KLHL29: variants seen among roughly 807,000 people sequenced by gnomAD.
KLHL29 encodes kelch-like protein 29.
Under a neutral mutation model 80.4 loss-of-function variants are expected in KLHL29, and 21 were observed. That is an observed-to-expected ratio of 0.26 (90% CI 0.19 to 0.38). The LOEUF (loss-of-function observed/expected upper bound fraction) is 0.38. Ranked by LOEUF, KLHL29 falls within the 10% of genes least tolerant of loss-of-function variation. KLHL29 has a pLI of 1.00. For synonymous variants in KLHL29, 511 were observed against 526.8 expected, an observed-to-expected ratio of 0.97 and a Z score of 0.41; for missense variants, 867 against 1,223.9, an observed-to-expected ratio of 0.71 and a Z score of 4.35.
chr2:23,653,358 TTTCCTCCCACA>T, intron 5 of KLHL29, among the ~76,000 whole-genome samples: 1 of 152,352 alleles, frequency 6.6e-6, no homozygotes, highest in East Asian at 1.9e-4. Context: ...AGACCTCTTC[TTTCCTCCCACA>T]GACCAAGAAC....
chr2:23,674,808 A>C (rs748430045), intron 5 of KLHL29, among the ~76,000 whole-genome samples: 39 of 151,770 alleles, frequency 2.6e-4, no homozygotes, highest in Non-Finnish European at 4.0e-4. Context: ...CCTGGTAACA[A>C]GTTCTAACCC....
At chr2:23,513,125 G>C (rs1005037382) in intron 2 of KLHL29, among the ~76,000 whole-genome samples, 1 of 152,364 alleles carries the variant, frequency 6.6e-6, no homozygotes, top group South Asian at 2.1e-4. Context: ...TACCGTCTTG[G>C]AGTGGGTTCA....
At chr2:23,504,905 G>T (rs1454773491) in intron 2 of KLHL29, among the ~76,000 whole-genome samples, 1 of 152,190 alleles carries the variant, frequency 6.6e-6, no homozygotes, top group Non-Finnish European at 1.5e-5. Context: ...GATGGCCCTG[G>T]TGACCCAGCT....
intron 2 of KLHL29, among the ~76,000 whole-genome samples, chr2:23,481,038 T>C (rs1288242398): frequency 6.6e-6 from 1 of 152,228 alleles, no homozygotes; most frequent in Non-Finnish European, 1.5e-5. Flanking sequence ...TTCCATGCTC[T>C]CGAAACGGTA....
intron 5 of KLHL29, among the ~76,000 whole-genome samples, chr2:23,650,668 C>T (rs973094365): frequency 9.2e-5 from 14 of 152,224 alleles, no homozygotes; most frequent in Admixed American, 3.3e-4. Flanking sequence ...TAACCCCTGA[C>T]AGGGAAATCA....
At chr2:23,651,276 A>G (rs755883367) in intron 5 of KLHL29, among the ~76,000 whole-genome samples, 27 of 152,328 alleles carry the variant, frequency 1.8e-4, no homozygotes, top group Middle Eastern at 3.4e-3. Context: ...AGTACACCAC[A>G]AGGCAAATGC....
chr2:23,471,884 G>A (rs1664503955), intron 1 of KLHL29, among the ~76,000 whole-genome samples: 1 of 152,134 alleles, frequency 6.6e-6, no homozygotes, highest in Admixed American at 6.5e-5. Flanking sequence ...ATTTTACAGT[G>A]TTAACTTGGG....
intron 1 of KLHL29, among the ~76,000 whole-genome samples, chr2:23,419,390 G>GAGGGCAC (rs1662714632): frequency 6.6e-6 from 1 of 152,020 alleles, no homozygotes; most frequent in African/African-American, 2.4e-5. Flanking sequence ...CCCACCTGGG[G>GAGGGCAC]AGGGCACAGC....
At chr2:23,533,864 T>C (rs1666579272) in intron 2 of KLHL29, among the ~76,000 whole-genome samples, 1 of 152,088 alleles carries the variant, frequency 6.6e-6, no homozygotes, top group Non-Finnish European at 1.5e-5. Context: ...TAAGACTGCT[T>C]TCAGAAAAAA....
In KLHL29 at chr2:23,684,853, T is replaced by C. The variant is rs1361197896; in HGVS notation, c.1079+316T>C. ...CCCAGGTTCTCAGTGGCTCACAAGC[T>C]GTCCCTGAGATTAGGGGGGACTGTA... On this transcript the variant is annotated intron_variant, in intron 6 of 13. Transcript: ENST00000486442. The surrounding 1 kb of genome is among the most constrained non-coding windows in gnomAD (Gnocchi z 4.4). 6.6e-6 allele frequency among the ~76,000 whole-genome samples: 1 copy of C among 152,196 alleles called. No individual in the cohort carries two copies. The highest frequency in any genetic ancestry group is 1.5e-5 in the Non-Finnish European group (1 of 68,036).
intron 2 of KLHL29, among the ~76,000 whole-genome samples, chr2:23,505,893 A>G (rs1665584006): frequency 6.6e-6 from 1 of 152,176 alleles, no homozygotes; most frequent in Non-Finnish European, 1.5e-5. Flanking sequence ...CCAGTTCAGG[A>G]GCAACCAAAG....
In KLHL29 at chr2:23,566,922, CT is replaced by C. The variant is rs574007426; in HGVS notation, c.285+4442del. Among the ~76,000 whole-genome samples, 409 of 152,368 alleles carry C rather than the reference CT, an allele frequency of 2.7e-3. 2 individuals carry two copies. Among genetic ancestry groups the C allele is most frequent in the African/African-American group, 8.0e-3 (331 of 41,592 alleles). On this transcript the variant is annotated intron_variant, in intron 3 of 13. Transcript: ENST00000486442. ...CATTTGCGGGGAAACCTGTCCCCCC[CT>C]GGTGGTTGGTGCTGGAGGCTGAAGA...
intron 1 of KLHL29, among the ~76,000 whole-genome samples, chr2:23,405,834 A>G (rs7564609): frequency 4.2e-4 from 64 of 152,184 alleles, no homozygotes; most frequent in Admixed American, 5.2e-4. Flanking sequence ...TGGGCTGGGC[A>G]AATCCAGGAA....
At position 23,484,187 on chromosome 2, in the gene KLHL29, T is replaced by A. The variant is rs115513596; in HGVS notation, c.-46+8520T>A. On this transcript the variant is annotated intron_variant, in intron 2 of 13. Transcript: ENST00000486442. ...GCAGGCTGGAGACCCCTCCACTTGC[T>A]CCTAGACCACCTGGAGGCCATTCAT... Among the ~76,000 whole-genome samples, 914 of 152,268 alleles carry A rather than the reference T, an allele frequency of 6.0e-3. 11 individuals are homozygous for A. Among genetic ancestry groups the A allele is most frequent in the African/African-American group, 0.021 (884 of 41,554 alleles).
intron 1 of KLHL29, among the ~76,000 whole-genome samples, chr2:23,397,441 CACTG>C: frequency 6.6e-6 from 1 of 152,370 alleles, no homozygotes; most frequent in East Asian, 1.9e-4. Flanking sequence ...GGTGGTCACT[CACTG>C]ACTGTGAAGT....
intron 1 of KLHL29, among the ~76,000 whole-genome samples, chr2:23,424,466 C>T (rs948401836): frequency 6.6e-6 from 1 of 152,092 alleles, no homozygotes; most frequent in Non-Finnish European, 1.5e-5. Context: ...CAAAGTGGAC[C>T]GCTTTGGCTA....
intron 1 of KLHL29, among the ~76,000 whole-genome samples, chr2:23,389,673 G>A (rs1256743978): frequency 1.3e-5 from 2 of 150,926 alleles, no homozygotes; most frequent in African/African-American, 2.4e-5. Flanking sequence ...GGGCAACAGA[G>A]CAAGACCTAG....
intron 2 of KLHL29, among the ~76,000 whole-genome samples, chr2:23,505,185 G>T (rs922782283): frequency 9.2e-5 from 14 of 152,164 alleles, no homozygotes; most frequent in South Asian, 2.1e-4. Flanking sequence ...TGCTGCTAGG[G>T]GCCTTTGCAG....
At chr2:23,465,596 G>T (rs1006330225) in intron 1 of KLHL29, among the ~76,000 whole-genome samples, 1 of 152,154 alleles carries the variant, frequency 6.6e-6, no homozygotes, top group African/African-American at 2.4e-5. Context: ...TGGCAAAAGC[G>T]TCCTCAGTTG....
Sources: allele counts gnomAD v4.1 joint callset (sites outside exome capture counted in the v4.1 genomes callset), GRCh38; gene constraint gnomAD v4.1.1; non-coding constraint Gnocchi (gnomAD v3.1); transcripts MANE v1.5; gene names NCBI Gene and HGNC (gene_info 2026-07-23, HGNC 2026-07-21).